Variants in UBE3A observed in about 807,000 individuals in gnomAD.
The protein encoded by UBE3A is ubiquitin protein ligase E3A.
Under a neutral mutation model 83.4 loss-of-function variants are expected in UBE3A, and 6 were observed. The observed-to-expected ratio is 0.07, with a 90% CI of 0.04 to 0.14. UBE3A has a LOEUF of 0.14. UBE3A is among the 10% of genes least tolerant of loss of function. The probability of loss-of-function intolerance (pLI) is 1.00; values close to 1 mark genes in which losing one functional copy is unlikely to be tolerated. For synonymous variants in UBE3A, 337 were observed against 355.4 expected (o/e 0.95, Z 0.58); for missense variants, 456 against 1,036.1 (o/e 0.44, Z 7.69).
At chr15:25,341,759 CAA>C (rs760767983) in intron 11 of UBE3A, among the ~76,000 whole-genome samples, 1 of 28,158 alleles carries the variant, frequency 3.6e-5, no homozygotes, top group Admixed American at 3.9e-4. Flanking sequence ...TGAGCCATCT[CAA>C]AAAAAAAAAA....
intron 4 of UBE3A, among the ~76,000 whole-genome samples, chr15:25,404,108 C>A (rs11858341): frequency 0.046 from 6,994 of 152,178 alleles, 205 homozygotes; most frequent in African/African-American, 0.064. Context: ...TATTTTACTA[C>A]AATTTTTTAA....
At chr15:25,400,918 A>G (rs1203133100) in intron 4 of UBE3A, among the ~76,000 whole-genome samples, 1 of 152,228 alleles carries the variant, frequency 6.6e-6, no homozygotes, top group Non-Finnish European at 1.5e-5. Context: ...AACATTCAGT[A>G]TAACGTTAGC....
rs368844385 is a variant in UBE3A at position 25,354,332 on chromosome 15, C to T, written c.2354+21G>A. ...CCCCTTTGGTGAATCAAATCTTCCT[C>T]TGAAGAACTAAGTACCTCACCTAAT... On this transcript the variant is annotated intron_variant, in intron 11 of 12. Transcript: ENST00000648336. The T allele has an allele frequency of 3.1e-6, 5 of 1,610,100 alleles. No homozygotes were observed. The African/African-American group carries it at 5.3e-5, about 17-fold the overall frequency.
At chr15:25,408,760 A>C in intron 3 of UBE3A, 1 of 1,194,120 alleles carries the variant, frequency 8.4e-7, no homozygotes, top group African/African-American at 1.5e-5. Context: ...AACGTTCACC[A>C]CATAAAAGGC....
chr15:25,385,378 A>C (rs1168338299), intron 4 of UBE3A, among the ~76,000 whole-genome samples: 1 of 152,176 alleles, frequency 6.6e-6, no homozygotes, highest in Non-Finnish European at 1.5e-5. Flanking sequence ...GAGAAATGTC[A>C]ATTAAAACTG....
chr15:25,374,097 T>G (rs2080779831), intron 5 of UBE3A: 1 of 152,114 alleles, frequency 6.6e-6, no homozygotes, highest in Non-Finnish European at 1.5e-5. Context: ...CATCTCTAAT[T>G]TCCAATATAC....
At chr15:25,346,685 A>AG (rs1287522914) in intron 11 of UBE3A, 6 of 152,224 alleles carry the variant, frequency 3.9e-5, no homozygotes, top group Non-Finnish European at 7.3e-5. Context: ...ACAAGATACA[A>AG]GGAAAAAAAA....
chr15:25,357,195 T>C (rs1489168523), intron 7 of UBE3A: 1 of 218,220 alleles, frequency 4.6e-6, no homozygotes, highest in Non-Finnish European at 9.2e-6. Flanking sequence ...TCTAATTTTC[T>C]ACTAACACAT....
Position 25,334,991 on chromosome 15 carries a change from T to G in UBE3A, c.*4146A>C, listed in dbSNP as rs184175837. On this transcript the variant is annotated 3_prime_UTR_variant, in exon 13 of 13. Transcript: ENST00000648336. The stretch of plus-strand genomic sequence containing the variant: ...ATAACATGTGAAAGGCAAAATGGTT[T>G]GTTTTTTTTTTTAAAAATGACAGTC... 5.4e-5 allele frequency: 8 copies of G among 148,882 alleles called. No individual in the cohort carries two copies. The highest frequency in any genetic ancestry group is 2.0e-4 in the African/African-American group (8 of 40,526). 9.2% of individuals were successfully genotyped at this position (148,882 alleles called of 1,614,324 possible). A position where few individuals can be genotyped will look rare whatever the true frequency, so the allele number is the denominator to read the frequency against.
intron 6 of UBE3A, among the ~76,000 whole-genome samples, chr15:25,364,904 C>T (rs2152766495): frequency 6.6e-6 from 1 of 152,094 alleles, no homozygotes; most frequent in African/African-American, 2.4e-5. Flanking sequence ...CCTTGGCCTC[C>T]CAAAGTGCTG....
intron 11 of UBE3A, among the ~76,000 whole-genome samples, chr15:25,343,673 A>G (rs2075235936): frequency 6.6e-6 from 1 of 152,206 alleles, no homozygotes; most frequent in African/African-American, 2.4e-5. Context: ...CATTTGGCAA[A>G]AAAATCCTAT....
At chr15:25,367,247 TTGC>T (rs2079399605) in intron 6 of UBE3A, among the ~76,000 whole-genome samples, 1 of 73,234 alleles carries the variant, frequency 1.4e-5, no homozygotes, top group Admixed American at 1.1e-4. Context: ...ATGTAAATAT[TTGC>T]ATATTTGTAA....
intron 6 of UBE3A, among the ~76,000 whole-genome samples, chr15:25,369,247 T>C (rs1322373782): frequency 1.3e-5 from 2 of 151,878 alleles, no homozygotes; most frequent in Non-Finnish European, 2.9e-5. Context: ...GCAATAATAA[T>C]GACTTCAGGC....
chr15:25,351,680 A>T (rs895669310), intron 11 of UBE3A, among the ~76,000 whole-genome samples: 2 of 152,150 alleles, frequency 1.3e-5, no homozygotes, highest in Non-Finnish European at 2.9e-5. Context: ...CATGTTTGCC[A>T]GGCTGGTCTC....
At chr15:25,344,372 G>C (rs923071199) in intron 11 of UBE3A, among the ~76,000 whole-genome samples, 1 of 152,068 alleles carries the variant, frequency 6.6e-6, no homozygotes, top group African/African-American at 2.4e-5. Context: ...AGGCCTACAA[G>C]CAGTAACGTT....
chr15:25,419,887 GA>G (rs1009965281), intron 1 of UBE3A, among the ~76,000 whole-genome samples: 69 of 150,740 alleles, frequency 4.6e-4, no homozygotes, highest in Middle Eastern at 3.4e-3. Flanking sequence ...TCACTGGGGG[GA>G]AAAAAAACAG....
intron 6 of UBE3A, among the ~76,000 whole-genome samples, chr15:25,367,164 T>TATATTTACATATTTGTAAATATGTAA (rs1398391199): frequency 0.039 from 4,298 of 111,080 alleles, 561 homozygotes; most frequent in Non-Finnish European, 0.058. Flanking sequence ...CACAAATGGG[T>TATATTTACATATTTGTAAATATGTAA]ATATTTACAT....
chr15:25,379,688 C>T (rs557806316), intron 4 of UBE3A, among the ~76,000 whole-genome samples: 3 of 152,250 alleles, frequency 2.0e-5, no homozygotes, highest in East Asian at 3.9e-4. Context: ...ACACTAATAA[C>T]GACTTTTTGG....
chr15:25,415,365 C>G (rs148180838), intron 1 of UBE3A, among the ~76,000 whole-genome samples: 9 of 152,330 alleles, frequency 5.9e-5, no homozygotes, highest in African/African-American at 2.2e-4. Context: ...GGCCCTGACC[C>G]CAGCCATCCC....
Sources: allele counts gnomAD v4.1 joint callset (sites outside exome capture counted in the v4.1 genomes callset), GRCh38; gene constraint gnomAD v4.1.1; transcripts MANE v1.5; gene names NCBI Gene and HGNC (gene_info 2026-07-23, HGNC 2026-07-21).